TLN2: variants seen among roughly 807,000 people sequenced by gnomAD.
TLN2 encodes the protein talin 2, also known as talin-2.
In TLN2, 118 loss-of-function variants were observed where a neutral mutation model predicts 294.7. The ratio of observed to expected loss-of-function variants is 0.40; its 90% CI spans 0.34 to 0.47. The LOEUF (loss-of-function observed/expected upper bound fraction) is 0.47, where lower values mean the gene tolerates loss of function less well. Ranked by LOEUF, TLN2 falls within the 20% of genes least tolerant of loss-of-function variation. The probability of loss-of-function intolerance (pLI) is 0.84; values close to 1 mark genes in which losing one functional copy is unlikely to be tolerated. For missense variants in TLN2, 3,083 were observed against 3,282.2 expected (o/e 0.94, Z 1.48); for synonymous variants, 1,431 against 1,304.5 (o/e 1.10, Z -2.09).
At chr15:62,636,298 T>G (rs1306598789) in intron 3 of TLN2, among the ~76,000 whole-genome samples, 1 of 146,156 alleles carries the variant, frequency 6.8e-6, no homozygotes, top group Non-Finnish European at 1.5e-5. Context: ...ACTAAAACAT[T>G]GCAAGTTTTA....
At chr15:62,612,641 T>A (rs1204963550) in intron 2 of TLN2, among the ~76,000 whole-genome samples, 1 of 152,148 alleles carries the variant, frequency 6.6e-6, no homozygotes, top group Admixed American at 6.5e-5. Flanking sequence ...TTCGTGAGAT[T>A]TTTTTTCTTG....
intron 32 of TLN2, among the ~76,000 whole-genome samples, chr15:62,741,407 C>T: frequency 6.6e-6 from 1 of 152,154 alleles, no homozygotes. Context: ...AGTTTCTGCT[C>T]CAGGGCCACA....
intron 1 of TLN2, among the ~76,000 whole-genome samples, chr15:62,473,579 T>A (rs1432396920): frequency 6.6e-6 from 1 of 152,156 alleles, no homozygotes; most frequent in Admixed American, 6.5e-5. Context: ...TTTTGAAAAA[T>A]TGAGTACGGA....
At chr15:62,550,206 G>T (rs1237934861) in intron 1 of TLN2, among the ~76,000 whole-genome samples, 1 of 152,148 alleles carries the variant, frequency 6.6e-6, no homozygotes, top group Non-Finnish European at 1.5e-5. Flanking sequence ...AAAGGCATCA[G>T]CCAGCAGAGT....
At chr15:62,651,304 T>A (rs1352902644) in intron 5 of TLN2, among the ~76,000 whole-genome samples, 1 of 152,208 alleles carries the variant, frequency 6.6e-6, no homozygotes, top group Non-Finnish European at 1.5e-5. Flanking sequence ...TTGGGTTCAA[T>A]TTCACTATCA....
At chr15:62,648,141 C>T (rs2052118385) in intron 4 of TLN2, among the ~76,000 whole-genome samples, 1 of 152,012 alleles carries the variant, frequency 6.6e-6, no homozygotes, top group Non-Finnish European at 1.5e-5. Context: ...AAAGAATAGG[C>T]CAAGCATGGT....
rs760975468 is a variant in TLN2 at position 62,647,394 on chromosome 15, C to T, written c.84C>T (p.Tyr28=). The change falls in exon 4 of 59, where the codon TAC becomes TAT. Residue 28 remains tyrosine, a synonymous_variant. Coordinates refer to ENST00000636159, the MANE Select transcript of TLN2 (RefSeq NM_015059.3). The part of the protein sequence containing the change: ...TMQFEPSTAV[Y]DACRVIRERV... The stretch of plus-strand genomic sequence containing the variant: ...AGTTTGAACCATCTACAGCTGTGTA[C>T]GATGCGTGTCGAGTCATTCGGGAAC... 31 of 1,614,054 alleles carry T rather than the reference C, an allele frequency of 1.9e-5. No homozygotes were observed. Among genetic ancestry groups the T allele is most frequent in the African/African-American group, 4.0e-5 (3 of 74,910 alleles).
At chr15:62,760,532 T>G (rs1186225645) in intron 37 of TLN2, among the ~76,000 whole-genome samples, 1 of 152,182 alleles carries the variant, frequency 6.6e-6, no homozygotes, top group Non-Finnish European at 1.5e-5. Context: ...AAATTTGCAT[T>G]CTTCTGCAAA....
chr15:62,733,546 T>C (rs1255755596), intron 28 of TLN2, among the ~76,000 whole-genome samples: 1 of 152,236 alleles, frequency 6.6e-6, no homozygotes, highest in African/African-American at 2.4e-5. Flanking sequence ...ACATAACCCT[T>C]TGTAAATACT....
In TLN2 at chr15:62,598,893, G is replaced by A. The variant is rs573299502; in HGVS notation, c.-162+9131G>A. On this transcript the variant is annotated intron_variant, in intron 2 of 58. Transcript: ENST00000636159. ...CCCTGGGCGATGGGACCCGTGCACA[G>A]TGTTGGTGTCCTTCCCACTCCTCCT... Among the ~76,000 whole-genome samples the A allele has an allele frequency of 2.0e-5, 3 of 152,122 alleles. No individual in the cohort carries two copies. The East Asian group carries it at 5.8e-4, about 29-fold the overall frequency.
At chr15:62,701,029 A>AT in intron 16 of TLN2, 77 bp from the exon 17 acceptor site, 4 of 1,318,750 alleles carry the variant, frequency 3.0e-6, no homozygotes, top group Non-Finnish European at 3.2e-6. Flanking sequence ...TGCTGGTGTG[A>AT]TTTTATGGCG....
chr15:62,744,635 C>T (rs1012103328), intron 32 of TLN2, among the ~76,000 whole-genome samples: 1 of 152,080 alleles, frequency 6.6e-6, no homozygotes, highest in African/African-American at 2.4e-5. Context: ...CAGCCTCCAC[C>T]TCCCGGGTTC....
chr15:62,405,171 T>C (rs139676928), intron 1 of TLN2, among the ~76,000 whole-genome samples: 1 of 152,312 alleles, frequency 6.6e-6, no homozygotes, highest in African/African-American at 2.4e-5. Context: ...AACCTGTCTG[T>C]AATTCAGGGT....
chr15:62,770,391 G>A (rs16945701), intron 41 of TLN2, among the ~76,000 whole-genome samples: 3,062 of 152,330 alleles, frequency 0.02, 45 homozygotes, highest in African/African-American at 0.033. Flanking sequence ...GGAGGCAGTG[G>A]TTCCTGTCGG....
intron 1 of TLN2, among the ~76,000 whole-genome samples, chr15:62,449,323 T>C (rs2035978083): frequency 6.6e-6 from 1 of 152,202 alleles, no homozygotes; most frequent in Admixed American, 6.5e-5. Flanking sequence ...AGGGTCTTTG[T>C]CAGAGTTTGG....
chr15:62,513,556 G>C (rs1474128878), intron 1 of TLN2, among the ~76,000 whole-genome samples: 1 of 152,154 alleles, frequency 6.6e-6, no homozygotes, highest in African/African-American at 2.4e-5. Flanking sequence ...CCATAACCTT[G>C]TAGACCTTTA....
chr15:62,643,292 G>GA (rs1351244899), intron 3 of TLN2, among the ~76,000 whole-genome samples: 3 of 151,896 alleles, frequency 2.0e-5, no homozygotes, highest in Non-Finnish European at 4.4e-5. Context: ...CTCAAGCTTG[G>GA]AAAAACTAAA....
intron 11 of TLN2, among the ~76,000 whole-genome samples, chr15:62,677,589 A>C (rs2056357515): frequency 6.6e-6 from 1 of 152,186 alleles, no homozygotes; most frequent in African/African-American, 2.4e-5. Flanking sequence ...TCTTCTCATT[A>C]TAGCAGGGTC....
intron 12 of TLN2, among the ~76,000 whole-genome samples, chr15:62,692,312 G>C (rs77330941): frequency 0.024 from 3,604 of 152,280 alleles, 145 homozygotes; most frequent in African/African-American, 0.083. Context: ...TACTGTGGCT[G>C]CTGCAGCAAA....
Sources: allele counts gnomAD v4.1 joint callset (sites outside exome capture counted in the v4.1 genomes callset), GRCh38; gene constraint gnomAD v4.1.1; transcripts MANE v1.5; gene names NCBI Gene and HGNC (gene_info 2026-07-23, HGNC 2026-07-21).